The following MROH1 variants were observed in gnomAD, a reference collection of about 807,000 sequenced individuals.
MROH1 encodes the protein maestro heat-like repeat-containing protein family member 1.
A neutral mutation model predicts 116.5 loss-of-function variants in MROH1; 117 were observed. The ratio of observed to expected loss-of-function variants is 1.00; its 90% CI spans 0.86 to 1.17. The LOEUF is 1.17. Ranked by LOEUF, MROH1 falls within the 50% of genes most tolerant of loss-of-function variation. The pLI is 0.00. For missense variants in MROH1, 1,873 were observed against 1,338.5 expected, an observed-to-expected ratio of 1.40 and a Z score of -6.23; for synonymous variants, 921 against 583.9, an observed-to-expected ratio of 1.58 and a Z score of -8.32.
chr8:144,250,450 C>T (rs1842665570), intron 33 of MROH1, 84 bp downstream of exon 33: 3 of 703,334 alleles, frequency 4.3e-6, no homozygotes, highest in South Asian at 3.0e-5. Flanking sequence ...CTCCACCCGG[C>T]TCTGCACCCC....
intron 12 of MROH1, among the ~76,000 whole-genome samples, chr8:144,206,114 A>G (rs1394096355): frequency 3.9e-5 from 6 of 152,344 alleles, no homozygotes; most frequent in Admixed American, 1.3e-4. Flanking sequence ...CGGTGGCACG[A>G]TCACAGCTCA....
At chr8:144,218,837 CTT>C in intron 12 of MROH1, among the ~76,000 whole-genome samples, 1 of 17,738 alleles carries the variant, frequency 5.6e-5, no homozygotes. Flanking sequence ...CCCCTCCTCC[CTT>C]CCCCTCCCCT....
chr8:144,247,352 C>T lies in MROH1; in HGVS notation c.2923C>T (p.Arg975Trp), dbSNP rs965975680. 7.8e-6 allele frequency: 6 copies of T among 772,826 alleles called. No individual in the cohort carries two copies. Among genetic ancestry groups the T allele is most frequent in the East Asian group, 4.9e-5 (2 of 40,828 alleles). The allele number at this position is 772,826 out of a possible 1,614,324, so 47.9% of individuals were successfully genotyped here. A position where few individuals can be genotyped will look rare whatever the true frequency, so the allele number is the denominator to read the frequency against. Residue 975 changes from arginine (R) to tryptophan (W), a missense_variant, in exon 30 of 44, where the codon CGG becomes TGG. Transcript: ENST00000326134. ...CCTTCTCATCGGCCTCTTCTCCCCA[C>T]GGTGTGCGGACCTGTGGCCTGCCAC... ...LGLLIGLFSP[R>W]CADLWPATRQ...
chr8:144,201,946 A>G (rs1437055096), intron 12 of MROH1, among the ~76,000 whole-genome samples: 1 of 151,046 alleles, frequency 6.6e-6, no homozygotes, highest in Non-Finnish European at 1.5e-5. Flanking sequence ...TAAACTCAGA[A>G]GGCTGAGGTT....
intron 2 of MROH1, among the ~76,000 whole-genome samples, chr8:144,161,399 CTG>C (rs1206395342): frequency 6.6e-6 from 1 of 152,220 alleles, no homozygotes; most frequent in Non-Finnish European, 1.5e-5. Flanking sequence ...AAAGTTCTCT[CTG>C]GGCAGCGCTT....
At chr8:144,220,928 C>G (rs1836588908) in intron 13 of MROH1, among the ~76,000 whole-genome samples, 1 of 152,208 alleles carries the variant, frequency 6.6e-6, no homozygotes, top group African/African-American at 2.4e-5. Flanking sequence ...GCCCCTCCTT[C>G]AGGCTCAGTT....
chr8:144,221,000 A>T (rs1012112199), intron 13 of MROH1, among the ~76,000 whole-genome samples: 2 of 152,152 alleles, frequency 1.3e-5, no homozygotes, highest in African/African-American at 4.8e-5. Context: ...CAGCAAAAGG[A>T]TGCAGGTCCA....
In MROH1 at chr8:144,182,314, G is replaced by T. The variant is rs918617108; in HGVS notation, c.562+1791G>T. On this transcript the variant is annotated intron_variant, in intron 7 of 43. Coordinates refer to ENST00000326134, the MANE Select transcript of MROH1 (RefSeq NM_032450.3). The surrounding 1 kb of genome is among the most constrained non-coding windows in gnomAD (Gnocchi z 4.1). ...ACTCCCAGTGGTGGAGGCACGGCTG[G>T]CCTGGCCACGCCGTCCAGCAGGGCA... Among the ~76,000 whole-genome samples the T allele has an allele frequency of 8.5e-5, 13 of 152,220 alleles. No individual in the cohort carries two copies. The highest frequency in any genetic ancestry group is 3.1e-4 in the African/African-American group (13 of 41,466).
At position 144,259,322 on chromosome 8, in the gene MROH1, C is replaced by T; in HGVS notation, c.4012C>T (p.Gln1338Ter). The change falls in exon 37 of 44, where the codon CAG (glutamine) becomes TAG (stop). Residue 1338 changes from glutamine to a stop codon, truncating the protein, a stop_gained. Transcript: ENST00000326134. LOFTEE classifies it high-confidence loss of function. ...ACTHSSAYEN[Q>*]RVTTTAFLAE... ...CACACACAGCAGTGCGTATGAGAAC[C>T]AGAGGGTGACCACCACCGCCTTCCT... 1.4e-6 allele frequency: 1 copy of T among 715,190 alleles called. No homozygotes were observed. Among genetic ancestry groups the T allele is most frequent in the African/African-American group, 1.7e-5 (1 of 57,304 alleles). 44.3% of individuals were successfully genotyped at this position (715,190 alleles called of 1,614,324 possible). A position where few individuals can be genotyped will look rare whatever the true frequency, so the allele number is the denominator to read the frequency against.
At chr8:144,154,993 T>A (rs1380577581) in intron 1 of MROH1, among the ~76,000 whole-genome samples, 2 of 152,150 alleles carry the variant, frequency 1.3e-5, no homozygotes, top group Non-Finnish European at 2.9e-5. Flanking sequence ...AATTTTTGTA[T>A]TTTTAGCAGA....
At chr8:144,259,629 C>T (rs937067043) in intron 37 of MROH1, among the ~76,000 whole-genome samples, 2 of 152,248 alleles carry the variant, frequency 1.3e-5, no homozygotes, top group African/African-American at 2.4e-5. Context: ...ACAGGGCTGG[C>T]CCCTGGGACC....
rs1012677770 is a variant in MROH1 at position 144,182,508 on chromosome 8, G to A, written c.562+1985G>A. Among the ~76,000 whole-genome samples, 4 of 152,140 alleles carry A rather than the reference G, an allele frequency of 2.6e-5. No individual in the cohort carries two copies. Among genetic ancestry groups the A allele is most frequent in the African/African-American group, 9.7e-5 (4 of 41,414 alleles). On this transcript the variant is annotated intron_variant, in intron 7 of 43. Coordinates refer to ENST00000326134, the MANE Select transcript of MROH1 (RefSeq NM_032450.3). This position sits in a 1 kb window ranked among gnomAD's most constrained non-coding sequence, Gnocchi z 4.1. ...AAATAAGTGGGCATCATGCATTCAC[G>A]GGACAAGAGGTGTCACCATGGAGAA...
intron 1 of MROH1, among the ~76,000 whole-genome samples, chr8:144,150,930 T>C (rs915226725): frequency 1.3e-5 from 2 of 152,076 alleles, no homozygotes; most frequent in Non-Finnish European, 2.9e-5. Flanking sequence ...TGGCCTGCCA[T>C]ACATAGCTCC....
intron 25 of MROH1, 47 bp from the exon 26 acceptor site, chr8:144,243,816 A>G: frequency 1.3e-6 from 1 of 756,468 alleles, no homozygotes; most frequent in Non-Finnish European, 2.5e-6. Flanking sequence ...CAGGGAGGAG[A>G]GCTGGCGTTT....
At chr8:144,253,937 G>C (rs2133234310) in intron 33 of MROH1, among the ~76,000 whole-genome samples, 1 of 151,942 alleles carries the variant, frequency 6.6e-6, no homozygotes, top group African/African-American at 2.4e-5. Context: ...TTTGCAGGTG[G>C]GGGTTGCTTT....
At chr8:144,197,561 G>A (rs1235340834) in intron 10 of MROH1, among the ~76,000 whole-genome samples, 3 of 143,904 alleles carry the variant, frequency 2.1e-5, no homozygotes, top group East Asian at 2.1e-4. Flanking sequence ...TCAGCCTCCC[G>A]AGTAGCTGGG....
rs1226703640 is a variant in MROH1, at chr8:144,179,596, A to G, written c.300+10A>G. On this transcript the variant is annotated intron_variant, in intron 5 of 43. Coordinates refer to ENST00000326134, the MANE Select transcript of MROH1 (RefSeq NM_032450.3). ...GATGACCAAGACGAAGGTATTCAGC[A>G]GGCCCTCTGGCCTCGCAGACTCAGG... 5 of 1,600,564 alleles carry G rather than the reference A, an allele frequency of 3.1e-6. No individual in the cohort carries two copies. The African/African-American group carries it at 6.7e-5, about 21-fold the overall frequency.
chr8:144,178,379 G>A (rs924851977), intron 4 of MROH1, among the ~76,000 whole-genome samples: 4 of 151,600 alleles, frequency 2.6e-5, no homozygotes, highest in East Asian at 1.9e-4. Flanking sequence ...TGATCCGCCC[G>A]CCTCAGCCTC....
intron 1 of MROH1, among the ~76,000 whole-genome samples, chr8:144,156,832 G>C (rs1477375410): frequency 1.6e-5 from 2 of 125,006 alleles, no homozygotes; most frequent in African/African-American, 5.9e-5. Flanking sequence ...CCCCAGGCTT[G>C]AGTGCAATGG....
Sources: gnomAD v4.1 joint callset for allele counts (sites outside exome capture counted in the v4.1 genomes callset) on GRCh38, gnomAD v4.1.1 for gene constraint, Gnocchi (gnomAD v3.1) non-coding constraint, MANE v1.5 for transcripts, NCBI Gene and HGNC (gene_info 2026-07-23, HGNC 2026-07-21) for gene names.